The following LONP2 variants were observed in gnomAD, a reference collection of about 807,000 sequenced individuals.
The protein encoded by LONP2 is lon peptidase 2, peroxisomal.
Under a neutral mutation model 85.6 loss-of-function variants are expected in LONP2, and 60 were observed. The ratio of observed to expected loss-of-function variants is 0.70; its 90% CI spans 0.57 to 0.87. The LOEUF is 0.87. LONP2 is among the 40% of genes least tolerant of loss of function. The pLI is 0.00. For missense variants in LONP2, 860 were observed against 1,063.5 expected, an observed-to-expected ratio of 0.81 and a Z score of 2.66; for synonymous variants, 395 against 389.7, an observed-to-expected ratio of 1.01 and a Z score of -0.16.
intron 8 of LONP2, among the ~76,000 whole-genome samples, chr16:48,290,154 A>T (rs1189503591): frequency 6.6e-6 from 1 of 151,846 alleles, no homozygotes; most frequent in East Asian, 1.9e-4. Context: ...GTATCTCTTA[A>T]TTTTTCCCGT....
chr16:48,255,135 A>C (rs1416700490), intron 2 of LONP2, among the ~76,000 whole-genome samples: 1 of 152,166 alleles, frequency 6.6e-6, no homozygotes, highest in Non-Finnish European at 1.5e-5. Flanking sequence ...AAGTTTTGCT[A>C]TGTTAACTTC....
At chr16:48,264,434 G>T (rs1013873969) in intron 6 of LONP2, among the ~76,000 whole-genome samples, 2 of 152,182 alleles carry the variant, frequency 1.3e-5, no homozygotes, top group African/African-American at 4.8e-5. Context: ...GAGAAATATG[G>T]CTCTGTTCTG....
Position 48,264,364 on chromosome 16 carries a change from G to A in LONP2, c.982+1492G>A, listed in dbSNP as rs868417150. ...CTAGGTGCGCATTCTGTTTCTCAGG[G>A]ACATTCCATGCTGAGAAAAAAGAAT... On this transcript the variant is annotated intron_variant, in intron 6 of 14. Coordinates refer to ENST00000285737, the MANE Select transcript of LONP2 (RefSeq NM_031490.5). Among the ~76,000 whole-genome samples, 154 of 152,156 alleles carry A rather than the reference G, an allele frequency of 1.0e-3. 2 individuals are homozygous for A. The highest frequency in any genetic ancestry group is 3.3e-3 in the African/African-American group (138 of 41,434).
At chr16:48,315,291 C>G (rs1973118389) in intron 11 of LONP2, among the ~76,000 whole-genome samples, 1 of 152,294 alleles carries the variant, frequency 6.6e-6, no homozygotes, top group South Asian at 2.1e-4. Flanking sequence ...TGTGATTTTA[C>G]TTGTTTATTC....
At position 48,262,837 on chromosome 16, in the gene LONP2, T is replaced by C; in HGVS notation, c.947T>C (p.Leu316Pro). ...GCTCTGACTAGAAATTATTTGGAAC[T>C]TATGGTAGAACTTCCTTGGAACAAA... ...EYALTRNYLELMVELPWNKST... is the reference protein window; with the variant it reads ...EYALTRNYLEPMVELPWNKST... The change falls in exon 6 of 15, where the codon CTT becomes CCT. Residue 316 changes from leucine to proline, a missense_variant. By Grantham distance (98) the Leu-to-Pro change is moderately conservative (BLOSUM62 -3). This residue lies in a region of LONP2 where 743 missense variants were observed against 917.3 expected (regional missense o/e 0.81). Transcript: ENST00000285737. 1 of 1,611,898 alleles carries C rather than the reference T, an allele frequency of 6.2e-7. No individual in the cohort carries two copies. The highest frequency in any genetic ancestry group is 8.5e-7 in the Non-Finnish European group (1 of 1,178,824).
rs1310185276 is a variant in LONP2, at chr16:48,348,795, A to G, written c.2337+505A>G. 2.6e-5 allele frequency among the ~76,000 whole-genome samples: 4 copies of G among 152,152 alleles called. No individual in the cohort carries two copies. The East Asian group carries it at 7.7e-4, about 29-fold the overall frequency. Reference sequence around the variant, plus strand: ...AGGCGTGAGCCACCACATTCAGCCCACGTTTCCCATTCTAAGATTTGCTAA... The same window carrying G: ...AGGCGTGAGCCACCACATTCAGCCCGCGTTTCCCATTCTAAGATTTGCTAA... On this transcript the variant is annotated intron_variant, in intron 14 of 14. Coordinates refer to ENST00000285737, the MANE Select transcript of LONP2 (RefSeq NM_031490.5).
chr16:48,282,113 A>T (rs906034212), intron 8 of LONP2, among the ~76,000 whole-genome samples: 3 of 152,182 alleles, frequency 2.0e-5, no homozygotes, highest in Admixed American at 6.5e-5. Context: ...TTAACAAATT[A>T]AATGTTTATG....
Position 48,261,558 on chromosome 16 carries a change from C to T in LONP2, c.858C>T (p.Ala286=). 1 of 1,584,422 alleles carries T rather than the reference C, an allele frequency of 6.3e-7. No individual in the cohort carries two copies. The highest frequency in any genetic ancestry group is 8.6e-7 in the Non-Finnish European group (1 of 1,166,592). ...GAACATCTAGTATGCCAGAGCAGGC[C>T]CATAAAGTCTGTGTCAAAGAGATAA... The part of the protein sequence containing the change: ...KIRTSSMPEQ[A]HKVCVKEIKR... Residue 286 remains alanine, a synonymous_variant, in exon 5 of 15, where the codon GCC becomes GCT. Coordinates refer to ENST00000285737, the MANE Select transcript of LONP2 (RefSeq NM_031490.5).
At chr16:48,281,512 A>G (rs1972328005) in intron 8 of LONP2, among the ~76,000 whole-genome samples, 1 of 152,190 alleles carries the variant, frequency 6.6e-6, no homozygotes, top group Admixed American at 6.5e-5. Flanking sequence ...CTTGTATGTA[A>G]TTAATAGACT....
At chr16:48,306,033 A>G (rs1045873169) in intron 11 of LONP2, among the ~76,000 whole-genome samples, 9 of 152,212 alleles carry the variant, frequency 5.9e-5, no homozygotes, top group African/African-American at 9.6e-5. Context: ...ACTGAAGTCT[A>G]TAAAAGTTAA....
intron 11 of LONP2, among the ~76,000 whole-genome samples, chr16:48,307,138 G>T (rs74017905): frequency 0.012 from 1,864 of 152,272 alleles, 40 homozygotes; most frequent in African/African-American, 0.042. Flanking sequence ...ATAATAGCAG[G>T]GAGTTTAAAA....
At chr16:48,256,802 T>C in intron 3 of LONP2, 61 bp downstream of exon 3, 1 of 1,518,092 alleles carries the variant, frequency 6.6e-7, no homozygotes, top group Non-Finnish European at 8.9e-7. Context: ...ATCTAGATAG[T>C]GAGTAGTTAA....
intron 3 of LONP2, among the ~76,000 whole-genome samples, chr16:48,257,506 A>C (rs1291356846): frequency 6.6e-6 from 1 of 152,144 alleles, no homozygotes; most frequent in Non-Finnish European, 1.5e-5. Context: ...AAGTGAAATG[A>C]ATTTTAAAGA....
intron 8 of LONP2, 33 bp from the exon 9 acceptor site, chr16:48,295,982 A>G (rs1408046934): frequency 2.5e-6 from 4 of 1,608,374 alleles, no homozygotes; most frequent in African/African-American, 2.7e-5. Context: ...TGGCACTACT[A>G]AAGTTTTTAA....
chr16:48,352,063 GCA>G lies in LONP2; in HGVS notation c.*264_*265del, dbSNP rs1597008063. ...GAAAGATATAGCATAGTGGTTCTCAGCACAGTCTCCAGAACAGAAGCATCTGT... is the reference window on the plus strand; with the variant it reads ...GAAAGATATAGCATAGTGGTTCTCAGCAGTCTCCAGAACAGAAGCATCTGT... On this transcript the variant is annotated 3_prime_UTR_variant, in exon 15 of 15. Transcript: ENST00000285737. 7 of 448,010 alleles carry G rather than the reference GCA, an allele frequency of 1.6e-5. No homozygotes were observed. The highest frequency in any genetic ancestry group is 9.1e-5 in the South Asian group (3 of 33,064). 27.8% of individuals were successfully genotyped at this position (448,010 alleles called of 1,614,324 possible).
At chr16:48,361,953 T>G (rs1374611846), downstream of LONP2, 1 of 1,614,120 alleles carries the variant, frequency 6.2e-7, no homozygotes, top group Non-Finnish European at 8.5e-7. Context: ...ATCCTCTCCC[T>G]GTAGGGTTGT....
chr16:48,247,760 C>T (rs1022750407), intron 1 of LONP2, among the ~76,000 whole-genome samples: 11 of 152,206 alleles, frequency 7.2e-5, no homozygotes, highest in African/African-American at 2.4e-4. Context: ...AGATGGTCAT[C>T]CAGCTTTCTT....
In LONP2 at chr16:48,351,847, A is replaced by G. The variant is rs1271099152; in HGVS notation, c.*45A>G. The G allele has an allele frequency of 6.7e-7, 1 of 1,489,918 alleles. No homozygotes were observed. Among genetic ancestry groups the G allele is most frequent in the South Asian group, 1.1e-5 (1 of 88,252 alleles). The allele number at this position is 1,489,918 out of a possible 1,614,324, so 92.3% of individuals were successfully genotyped here. On this transcript the variant is annotated 3_prime_UTR_variant, in exon 15 of 15. Transcript: ENST00000285737. ...AGAATTTTAAGTTATGAAGTGCTCA[A>G]AGGTACTGACACAGTTGATTTTATT... is the stretch of plus-strand genomic sequence containing the variant.
At chr16:48,326,916 C>CT (rs1461794608) in intron 11 of LONP2, among the ~76,000 whole-genome samples, 3 of 152,222 alleles carry the variant, frequency 2.0e-5, no homozygotes, top group Non-Finnish European at 4.4e-5. Flanking sequence ...GAACAGTTGA[C>CT]TGTGTCCAAG....
Sources: gnomAD v4.1 joint callset for allele counts (sites outside exome capture counted in the v4.1 genomes callset) on GRCh38, gnomAD v4.1.1 for gene constraint, gnomAD v4.1.1 regional missense constraint, MANE v1.5 for transcripts, NCBI Gene and HGNC (gene_info 2026-07-23, HGNC 2026-07-21) for gene names.